Variants in DPYSL2 observed in about 807,000 individuals in gnomAD.
The protein encoded by DPYSL2 is dihydropyrimidinase-related protein 2.
In DPYSL2, 13 loss-of-function variants were observed where a neutral mutation model predicts 69.9. That is an observed-to-expected ratio of 0.19 (90% CI 0.12 to 0.30). The LOEUF is 0.30. Ranked by LOEUF, DPYSL2 falls within the 10% of genes least tolerant of loss-of-function variation. DPYSL2 has a pLI of 1.00. For missense variants in DPYSL2, 587 were observed against 918.9 expected, an observed-to-expected ratio of 0.64 and a Z score of 4.67; for synonymous variants, 326 against 359.1, an observed-to-expected ratio of 0.91 and a Z score of 1.04.
chr8:26,532,605 T>C (rs1455715252), intron 1 of DPYSL2, among the ~76,000 whole-genome samples: 4 of 152,342 alleles, frequency 2.6e-5, no homozygotes, highest in Middle Eastern at 3.4e-3. Flanking sequence ...ACATTTTATA[T>C]ACATGGAAAC....
Position 26,524,835 on chromosome 8 carries a change from A to AAAAAAAAAAAAAAAG in DPYSL2, c.354+10157_354+10158insAAAAAAAAAAAAAGA, listed in dbSNP as rs1563374151. Among the ~76,000 whole-genome samples, 17 of 74,218 alleles carry AAAAAAAAAAAAAAAG rather than the reference A, an allele frequency of 2.3e-4. 2 individuals are homozygous for AAAAAAAAAAAAAAAG. Among genetic ancestry groups the AAAAAAAAAAAAAAAG allele is most frequent in the Non-Finnish European group, 2.7e-4 (10 of 37,220 alleles). 48.7% of individuals were successfully genotyped at this position (74,218 alleles called of 152,430 possible). A position where few individuals can be genotyped will look rare whatever the true frequency, so the allele number is the denominator to read the frequency against. On this transcript the variant is annotated intron_variant, in intron 1 of 13. Transcript: ENST00000521913. ...AAAAAAAAAAAAAAAAAAAAAAAAA[A>AAAAAAAAAAAAAAAG]AGAGAGAGAATTACTGTTTTTCAAT... is the stretch of plus-strand genomic sequence containing the variant.
chr8:26,608,467 A>G (rs183051831), intron 3 of DPYSL2, among the ~76,000 whole-genome samples: 6 of 152,332 alleles, frequency 3.9e-5, no homozygotes, highest in Admixed American at 3.3e-4. Flanking sequence ...CTGGACTGTT[A>G]TCTCTTACCC....
At chr8:26,554,802 G>C (rs1800919579) in intron 1 of DPYSL2, among the ~76,000 whole-genome samples, 1 of 152,072 alleles carries the variant, frequency 6.6e-6, no homozygotes, top group South Asian at 2.1e-4. Context: ...ACCAAAACCA[G>C]ACAAAGGCAT....
chr8:26,653,669 T>C lies in DPYSL2; in HGVS notation c.1942+272T>C, dbSNP rs1162829559. On this transcript the variant is annotated intron_variant, in intron 13 of 13. Transcript: ENST00000521913. This position sits in a 1 kb window ranked among gnomAD's most constrained non-coding sequence, Gnocchi z 5.7. ...CACCTCCTGGTTCAAGTGATTCTCA[T>C]GTCTCAGCCTCCCAAGTAGCTGGGA... Among the ~76,000 whole-genome samples the C allele has an allele frequency of 1.3e-5, 2 of 152,144 alleles. No homozygotes were observed. The highest frequency in any genetic ancestry group is 2.9e-5 in the Non-Finnish European group (2 of 68,012).
At chr8:26,535,192 T>A (rs1048559146) in intron 1 of DPYSL2, among the ~76,000 whole-genome samples, 1 of 152,300 alleles carries the variant, frequency 6.6e-6, no homozygotes, top group Middle Eastern at 3.4e-3. Context: ...CTTTTCTCCT[T>A]GTGTGACAGA....
At chr8:26,616,955 C>G (rs1391543872) in intron 3 of DPYSL2, among the ~76,000 whole-genome samples, 3 of 152,226 alleles carry the variant, frequency 2.0e-5, no homozygotes, top group African/African-American at 7.2e-5. Flanking sequence ...CTCCCTCCTG[C>G]TCCACGTGCG....
chr8:26,576,984 A>C (rs901006917), intron 1 of DPYSL2: 9 of 306,244 alleles, frequency 2.9e-5, no homozygotes, highest in African/African-American at 1.2e-4. Flanking sequence ...CAGAGCGCAG[A>C]TCGCGCCACA....
chr8:26,557,169 T>C (rs1801001676), intron 1 of DPYSL2, among the ~76,000 whole-genome samples: 2 of 152,150 alleles, frequency 1.3e-5, no homozygotes, highest in Admixed American at 1.3e-4. Context: ...ACCAAAAGCA[T>C]GGTCCATGAA....
At chr8:26,554,300 T>C (rs1800911408) in intron 1 of DPYSL2, among the ~76,000 whole-genome samples, 1 of 152,172 alleles carries the variant, frequency 6.6e-6, no homozygotes, top group African/African-American at 2.4e-5. Context: ...TTTCACATGC[T>C]TTTTGGCTGC....
intron 1 of DPYSL2, among the ~76,000 whole-genome samples, chr8:26,552,071 C>T (rs575991282): frequency 1.3e-5 from 2 of 152,252 alleles, no homozygotes; most frequent in African/African-American, 4.8e-5. Context: ...GTCTCAGCCT[C>T]CCAAAACATT....
intron 3 of DPYSL2, among the ~76,000 whole-genome samples, chr8:26,612,684 GT>G (rs1802259207): frequency 6.6e-6 from 1 of 152,214 alleles, no homozygotes; most frequent in South Asian, 2.1e-4. Context: ...TGCACATTAG[GT>G]TAAGGTCAGT....
intron 1 of DPYSL2, among the ~76,000 whole-genome samples, chr8:26,532,372 A>T (rs1436829982): frequency 6.6e-6 from 1 of 152,222 alleles, no homozygotes; most frequent in Non-Finnish European, 1.5e-5. Flanking sequence ...AGTATTTACT[A>T]TTGAAATATT....
At chr8:26,552,799 T>C (rs528152312) in intron 1 of DPYSL2, among the ~76,000 whole-genome samples, 1 of 152,306 alleles carries the variant, frequency 6.6e-6, no homozygotes, top group African/African-American at 2.4e-5. Context: ...TGCAGAGCCC[T>C]CATGACCCAG....
At chr8:26,529,249 T>G (rs1233488704) in intron 1 of DPYSL2, among the ~76,000 whole-genome samples, 1 of 148,046 alleles carries the variant, frequency 6.8e-6, no homozygotes, top group Non-Finnish European at 1.5e-5. Flanking sequence ...TCTATCTATC[T>G]ATCTATCTAT....
In DPYSL2 at chr8:26,550,405, T is replaced by C. The variant is rs1800855198; in HGVS notation, c.355-31564T>C. 2.0e-5 allele frequency among the ~76,000 whole-genome samples: 3 copies of C among 151,800 alleles called. No homozygotes were observed. In the South Asian group the frequency reaches 6.2e-4, roughly 31 times the overall value. ...GAAACGAAGAACAAGGACAAAAATA[T>C]AAAATAGTAACAAGCATAGAAGATA... On this transcript the variant is annotated intron_variant, in intron 1 of 13. Transcript: ENST00000521913.
rs1423928027 is a variant in DPYSL2, at chr8:26,641,825, C to T, written c.1127-1614C>T. Among the ~76,000 whole-genome samples the T allele has an allele frequency of 6.6e-6, 1 of 152,208 alleles. No individual in the cohort carries two copies. Among genetic ancestry groups the T allele is most frequent in the Admixed American group, 6.5e-5 (1 of 15,286 alleles). On this transcript the variant is annotated intron_variant, in intron 8 of 13. Transcript: ENST00000521913. The surrounding 1 kb of genome is among the most constrained non-coding windows in gnomAD (Gnocchi z 4.1). The stretch of plus-strand genomic sequence containing the variant: ...GCTGCCTGCTGTGGCCTCCAGCACT[C>T]CCCAGCTGAACAGCGAGTCCTTTGT...
rs1563374159 is a variant in DPYSL2 at position 26,524,836 on chromosome 8, A to AGG, written c.354+10158_354+10159insGG. On this transcript the variant is annotated intron_variant, in intron 1 of 13. Transcript: ENST00000521913. ...AAAAAAAAAAAAAAAAAAAAAAAAA[A>AGG]GAGAGAGAATTACTGTTTTTCAATA... Among the ~76,000 whole-genome samples the AGG allele has an allele frequency of 9.5e-5, 8 of 83,962 alleles. 1 individual carries two copies. The highest frequency in any genetic ancestry group is 5.2e-4 in the South Asian group (1 of 1,924). 55.1% of individuals were successfully genotyped at this position (83,962 alleles called of 152,430 possible).
At position 26,514,209 on chromosome 8, in the gene DPYSL2, T is replaced by C; in HGVS notation, c.-117T>C. 1 of 914,586 alleles carries C rather than the reference T, an allele frequency of 1.1e-6. No homozygotes were observed. Among genetic ancestry groups the C allele is most frequent in the Admixed American group, 4.0e-5 (1 of 25,014 alleles). The allele number at this position is 914,586 out of a possible 1,614,324, so 56.7% of individuals were successfully genotyped here. ...TCCTTCCTTTCTGTGCACCTTGCGG[T>C]GGGCGGCGAACGGCAGCCGCGGCAG... On this transcript the variant is annotated 5_prime_UTR_variant, in exon 1 of 14. Transcript: ENST00000521913. The surrounding 1 kb of genome is among the most constrained non-coding windows in gnomAD (Gnocchi z 8.4).
At chr8:26,558,771 A>T (rs1417286241) in intron 1 of DPYSL2, among the ~76,000 whole-genome samples, 1 of 152,322 alleles carries the variant, frequency 6.6e-6, no homozygotes, top group East Asian at 1.9e-4. Flanking sequence ...TGCTCTAAAA[A>T]ATAAAGTCTA....
Sources: gnomAD v4.1 joint callset for allele counts (sites outside exome capture counted in the v4.1 genomes callset) on GRCh38, gnomAD v4.1.1 for gene constraint, Gnocchi (gnomAD v3.1) non-coding constraint, MANE v1.5 for transcripts, NCBI Gene and HGNC (gene_info 2026-07-23, HGNC 2026-07-21) for gene names.